FAF1: variants seen among roughly 807,000 people sequenced by gnomAD.
The protein encoded by FAF1 is FAS-associated factor 1.
In FAF1, 25 loss-of-function variants were observed where a neutral mutation model predicts 92.5. That is an observed-to-expected ratio of 0.27 (90% CI 0.20 to 0.38). The LOEUF (loss-of-function observed/expected upper bound fraction) is 0.38, where lower values mean the gene tolerates loss of function less well. Among genes scored for constraint, FAF1 ranks in the 10% least tolerant of loss-of-function variants. The pLI, the probability that FAF1 is intolerant of heterozygous loss-of-function variation, is 1.00. For missense variants in FAF1, 636 were observed against 793.3 expected (o/e 0.80, Z 2.38); for synonymous variants, 234 against 273.2 (o/e 0.86, Z 1.42).
chr1:50,596,193 G>A lies in FAF1; in HGVS notation c.768C>T (p.Leu256=), dbSNP rs199506351. ...CTGTAAGTCGATGGCAGGGATAAGA[G>A]AGCCCTGATTCAGCAAGACACATCT... ...DDSMCLAESG[L]SYPCHRLTVG... is the part of the protein sequence containing the mutation. The change falls in exon 9 of 19, where the codon CTC becomes CTT. Residue 256 remains leucine (L), a synonymous_variant. Coordinates refer to ENST00000396153, the MANE Select transcript of FAF1 (RefSeq NM_007051.3). The A allele has an allele frequency of 6.2e-7, 1 of 1,613,638 alleles. No individual in the cohort carries two copies. Among genetic ancestry groups the A allele is most frequent in the Admixed American group, 1.7e-5 (1 of 60,022 alleles).
At chr1:50,850,328 C>T (rs906164204) in intron 2 of FAF1, among the ~76,000 whole-genome samples, 1 of 152,120 alleles carries the variant, frequency 6.6e-6, no homozygotes, top group African/African-American at 2.4e-5. Context: ...AATGCTAGAA[C>T]TTTCAACATT....
At position 50,814,602 on chromosome 1, in the gene FAF1, C is replaced by T. The variant is rs147076437; in HGVS notation, c.115-12925G>A. ...TGTATCTCAAAAACATTATGCTAAG[C>T]GAATAGTTAGATACGTAAGAGTAAA... On this transcript the variant is annotated intron_variant, in intron 2 of 18. Coordinates refer to ENST00000396153, the MANE Select transcript of FAF1 (RefSeq NM_007051.3). Among the ~76,000 whole-genome samples, 5 of 152,116 alleles carry T rather than the reference C, an allele frequency of 3.3e-5. No homozygotes were observed. In the East Asian group the frequency reaches 9.7e-4, roughly 29 times the overall value.
intron 7 of FAF1, among the ~76,000 whole-genome samples, chr1:50,677,578 A>G (rs1014420929): frequency 4.6e-5 from 7 of 152,338 alleles, no homozygotes; most frequent in Admixed American, 3.3e-4. Flanking sequence ...ATTTCATTTT[A>G]GTTCTTATTA....
chr1:50,537,085 A>G (rs1648524588), intron 14 of FAF1, among the ~76,000 whole-genome samples: 1 of 152,070 alleles, frequency 6.6e-6, no homozygotes, highest in Admixed American at 6.6e-5. Context: ...GTGCCACCAC[A>G]CCTAACCAAT....
intron 13 of FAF1, among the ~76,000 whole-genome samples, chr1:50,550,026 A>G (rs1649229760): frequency 6.6e-6 from 1 of 152,024 alleles, no homozygotes; most frequent in Non-Finnish European, 1.5e-5. Flanking sequence ...CATGTATTTG[A>G]AAACAACTAT....
At chr1:50,607,800 T>A (rs750993202) in intron 8 of FAF1, among the ~76,000 whole-genome samples, 7 of 152,212 alleles carry the variant, frequency 4.6e-5, no homozygotes, top group South Asian at 2.1e-4. Flanking sequence ...CAGATAAACC[T>A]CATTTATTCA....
At chr1:50,591,311 C>T (rs953545061) in intron 9 of FAF1, among the ~76,000 whole-genome samples, 4 of 152,148 alleles carry the variant, frequency 2.6e-5, no homozygotes, top group African/African-American at 7.2e-5. Context: ...TAAATCTAGC[C>T]TGTGCACAGC....
intron 1 of FAF1, among the ~76,000 whole-genome samples, chr1:50,954,540 A>AT (rs199964324): frequency 0.54 from 64,480 of 120,066 alleles, 17,686 homozygotes; most frequent in East Asian, 0.8. Context: ...AAAAATTTTG[A>AT]TTTTTTTTTT....
chr1:50,662,763 T>G (rs1376386106), intron 7 of FAF1, among the ~76,000 whole-genome samples: 1 of 143,582 alleles, frequency 7.0e-6, no homozygotes, highest in African/African-American at 2.8e-5. Context: ...AGCGGCGGGA[T>G]CTTGGCTCAC....
At chr1:50,843,448 A>G (rs1343692454) in intron 2 of FAF1, among the ~76,000 whole-genome samples, 1 of 152,134 alleles carries the variant, frequency 6.6e-6, no homozygotes, top group Non-Finnish European at 1.5e-5. Context: ...ATTGTTAATC[A>G]TAGTCAGTCT....
intron 15 of FAF1, among the ~76,000 whole-genome samples, chr1:50,530,100 T>C (rs2149034790): frequency 6.6e-6 from 1 of 152,266 alleles, no homozygotes; most frequent in South Asian, 2.1e-4. Flanking sequence ...TTTAGCATTT[T>C]CAGTGGAATT....
intron 1 of FAF1, among the ~76,000 whole-genome samples, chr1:50,951,544 A>AG (rs1268233741): frequency 2.0e-5 from 3 of 152,232 alleles, no homozygotes; most frequent in Non-Finnish European, 4.4e-5. Flanking sequence ...AGTCAGTGGT[A>AG]GGGCTGTGAT....
At chr1:50,952,698 T>TG (rs1315130294) in intron 1 of FAF1, among the ~76,000 whole-genome samples, 1 of 149,082 alleles carries the variant, frequency 6.7e-6, no homozygotes, top group African/African-American at 2.5e-5. Flanking sequence ...GTCTGAGATG[T>TG]GGGGAGCGCC....
chr1:50,632,959 G>A (rs1206859661), intron 8 of FAF1, among the ~76,000 whole-genome samples: 1 of 152,038 alleles, frequency 6.6e-6, no homozygotes, highest in Admixed American at 6.6e-5. Flanking sequence ...GTTTTCTTCT[G>A]AATTTGAAGC....
intron 6 of FAF1, among the ~76,000 whole-genome samples, chr1:50,717,278 A>G (rs1224510037): frequency 6.6e-6 from 1 of 152,080 alleles, no homozygotes; most frequent in Non-Finnish European, 1.5e-5. Context: ...GGTCTTTGGG[A>G]GGTAATCAGG....
At chr1:50,554,388 T>TAGAGAGAG (rs559745248) in intron 13 of FAF1, among the ~76,000 whole-genome samples, 1,626 of 100,584 alleles carry the variant, frequency 0.016, 13 homozygotes, top group Non-Finnish European at 0.02. Flanking sequence ...TATATATATA[T>TAGAGAGAG]ATAGAGAGAG....
chr1:50,535,389 G>A lies in FAF1; in HGVS notation c.1474C>T (p.Gln492Ter). Residue 492 changes from glutamine (Q) to a stop codon, truncating the protein, a stop_gained, in exon 15 of 19, where the codon CAG becomes TAG. Coordinates refer to ENST00000396153, the MANE Select transcript of FAF1 (RefSeq NM_007051.3). LOFTEE classifies it high-confidence loss of function. ...AAMEIFTAQQ[Q>*]EDIKDEDERE... ...CTTACCTCGTCCTTTATATCTTCCT[G>A]TTGTTGGGCTGTGAAGATCTCCATT... The A allele has an allele frequency of 6.2e-7, 1 of 1,609,896 alleles. No homozygotes were observed. Among genetic ancestry groups the A allele is most frequent in the Non-Finnish European group, 8.5e-7 (1 of 1,176,722 alleles).
At chr1:50,851,081 A>ATTTTTTT (rs57980948) in intron 2 of FAF1, among the ~76,000 whole-genome samples, 1 of 135,460 alleles carries the variant, frequency 7.4e-6, no homozygotes, top group Non-Finnish European at 1.6e-5. Flanking sequence ...AGCAATTTAC[A>ATTTTTTT]TTTTTTTTTT....
At chr1:50,780,951 G>A in intron 4 of FAF1, 1 of 480,680 alleles carries the variant, frequency 2.1e-6, no homozygotes, top group Non-Finnish European at 4.2e-6. Flanking sequence ...CTGAGCAGCA[G>A]GAACAGGAGG....
Sources: allele counts gnomAD v4.1 joint callset (sites outside exome capture counted in the v4.1 genomes callset), GRCh38; gene constraint gnomAD v4.1.1; transcripts MANE v1.5; gene names NCBI Gene and HGNC (gene_info 2026-07-23, HGNC 2026-07-21).